The following SASH1 variants were observed in gnomAD, a reference collection of about 807,000 sequenced individuals.
SASH1 encodes the protein SAM and SH3 domain containing 1.
In SASH1, 44 loss-of-function variants were observed where a neutral mutation model predicts 125.2. The ratio of observed to expected loss-of-function variants is 0.35; its 90% CI spans 0.28 to 0.45. The LOEUF is 0.45. SASH1 is among the 20% of genes least tolerant of loss of function. The pLI is 1.00. For missense variants in SASH1, 1,426 were observed against 1,614.5 expected, an observed-to-expected ratio of 0.88 and a Z score of 2.00; for synonymous variants, 639 against 649.1, an observed-to-expected ratio of 0.98 and a Z score of 0.24.
At chr6:148,368,482 G>A (rs1299783486) in intron 1 of SASH1, among the ~76,000 whole-genome samples, 1 of 152,056 alleles carries the variant, frequency 6.6e-6, no homozygotes, top group African/African-American at 2.4e-5. Flanking sequence ...TGTTGGCCAG[G>A]CTGGTCTCAA....
At chr6:148,355,013 C>T (rs886424175) in intron 1 of SASH1, among the ~76,000 whole-genome samples, 12 of 152,182 alleles carry the variant, frequency 7.9e-5, no homozygotes, top group African/African-American at 2.9e-4. Flanking sequence ...CCCACCTCTG[C>T]CTCCCAAAGT....
At chr6:148,432,577 C>G (rs1294960618) in intron 2 of SASH1, among the ~76,000 whole-genome samples, 1 of 152,204 alleles carries the variant, frequency 6.6e-6, no homozygotes, top group Non-Finnish European at 1.5e-5. Context: ...CTTTTTCCAC[C>G]TCCTCCTTCC....
Position 148,323,257 on chromosome 6 carries a change from G to C in SASH1, n.74+50880G>C, listed in dbSNP as rs372625405. ...ACTCCTGACCTCAAGTGATCTGCCC[G>C]CCTCGGCCTCCCAAAGTGCTGAGAT... On this transcript the variant is annotated intron_variant and non_coding_transcript_variant, in intron 1 of 3. Coordinates refer to the SASH1 transcript ENST00000367469. Among the ~76,000 whole-genome samples, 595 of 152,128 alleles carry C rather than the reference G, an allele frequency of 3.9e-3. 2 individuals carry two copies. The highest frequency in any genetic ancestry group is 0.014 in the African/African-American group (564 of 41,492).
the SASH1 span, among the ~76,000 whole-genome samples, chr6:148,217,535 AGCCAG>A: frequency 6.6e-6 from 1 of 152,160 alleles, no homozygotes; most frequent in Admixed American, 6.5e-5. Flanking sequence ...CAGATCACAC[AGCCAG>A]CATGTGGTGG....
In SASH1 at chr6:148,533,541, C is replaced by T. The variant is rs1781648103; in HGVS notation, c.1735-230C>T. Among the ~76,000 whole-genome samples the T allele has an allele frequency of 6.6e-6, 1 of 152,106 alleles. No individual in the cohort carries two copies. The highest frequency in any genetic ancestry group is 1.5e-5 in the Non-Finnish European group (1 of 68,020). On this transcript the variant is annotated intron_variant, in intron 14 of 19. Transcript: ENST00000367467. This position sits in a 1 kb window ranked among gnomAD's most constrained non-coding sequence, Gnocchi z 6.2. ...TCTGCAGGGCAGGAGGGTGGAGGGG[C>T]TGTGACCGGGGGCCTGCGTGGAATT...
At chr6:148,267,538 C>G (rs972012829), upstream of SASH1, among the ~76,000 whole-genome samples, 1 of 151,992 alleles carries the variant, frequency 6.6e-6, no homozygotes, top group Non-Finnish European at 1.5e-5. Context: ...GCCACCACGC[C>G]CGGCTAATTT....
chr6:148,363,557 C>T (rs113639148), intron 1 of SASH1, among the ~76,000 whole-genome samples: 8,579 of 152,160 alleles, frequency 0.056, 299 homozygotes, highest in South Asian at 0.15. Context: ...CCCGCCACCA[C>T]ACCCGGCTAA....
In SASH1 at chr6:148,532,877, C is replaced by G. The variant is rs749384990; in HGVS notation, c.1645C>G (p.Pro549Ala). The change falls in exon 14 of 20, where the codon CCG becomes GCG. Residue 549 changes from proline to alanine, a missense_variant. Pro to Ala is a conservative substitution (Grantham distance 27, BLOSUM62 -1). Coordinates refer to ENST00000367467, the MANE Select transcript of SASH1 (RefSeq NM_015278.5). This position sits in a 1 kb window ranked among gnomAD's most constrained non-coding sequence, Gnocchi z 4.7. ...VKSEDGDDEE[P>A]PYRGPFCGRA... is the part of the protein sequence containing the mutation. The stretch of plus-strand genomic sequence containing the variant: ...GTCGGAAGATGGGGATGACGAAGAG[C>G]CGCCTTACCGAGGCCCGTTCTGCGG... 2.5e-6 allele frequency: 4 copies of G among 1,614,108 alleles called. No individual in the cohort carries two copies. In the East Asian group the frequency reaches 8.9e-5, roughly 36 times the overall value.
At chr6:148,285,571 T>A (rs1779461235) in intron 1 of SASH1, among the ~76,000 whole-genome samples, 1 of 152,218 alleles carries the variant, frequency 6.6e-6, no homozygotes, top group Non-Finnish European at 1.5e-5. Flanking sequence ...TTGGTTTTTT[T>A]TTCCTCTCTC....
intron 4 of SASH1, among the ~76,000 whole-genome samples, chr6:148,462,301 CTT>C (rs57899343): frequency 6.9e-6 from 1 of 144,742 alleles, no homozygotes. Flanking sequence ...CTTTTCTTTT[CTT>C]TTTTTTTTTT....
intron 17 of SASH1, among the ~76,000 whole-genome samples, 193 bp downstream of exon 17, chr6:148,540,749 C>A (rs1024759871): frequency 6.6e-5 from 10 of 152,170 alleles, no homozygotes; most frequent in African/African-American, 9.7e-5. Context: ...TTAATAAATT[C>A]TGTGTCAAAT....
chr6:148,387,117 CTTT>C (rs34236225), intron 1 of SASH1, among the ~76,000 whole-genome samples: 7 of 108,988 alleles, frequency 6.4e-5, no homozygotes, highest in Admixed American at 1.0e-4. Flanking sequence ...TCTTTCTTTT[CTTT>C]TTTTTTTTTT....
chr6:148,539,430 C>CTACT (rs760597117), intron 16 of SASH1, among the ~76,000 whole-genome samples: 71 of 152,226 alleles, frequency 4.7e-4, no homozygotes, highest in Non-Finnish European at 8.2e-4. Flanking sequence ...AGCTTAGCTC[C>CTACT]TACTTACAAG....
chr6:148,220,480 G>A, the SASH1 span, among the ~76,000 whole-genome samples: 2 of 152,126 alleles, frequency 1.3e-5, no homozygotes, highest in Non-Finnish European at 2.9e-5. Context: ...AAGTTGCAAC[G>A]TTAATTCTAG....
intron 1 of SASH1, among the ~76,000 whole-genome samples, chr6:148,387,633 TTTCTTTC>T (rs1783495130): frequency 3.8e-5 from 3 of 79,852 alleles, no homozygotes; most frequent in South Asian, 5.1e-4. Context: ...TCTTTCTTTC[TTTCTTTC>T]TTTCTTTCTT....
intron 1 of SASH1, among the ~76,000 whole-genome samples, chr6:148,346,892 T>C (rs1464381487): frequency 6.6e-6 from 1 of 152,202 alleles, no homozygotes; most frequent in African/African-American, 2.4e-5. Context: ...CACCACGACA[T>C]GTGGTAGGCC....
intron 11 of SASH1, among the ~76,000 whole-genome samples, chr6:148,526,046 C>CTTTTT (rs34023266): frequency 3.7e-5 from 2 of 54,158 alleles, no homozygotes; most frequent in Non-Finnish European, 6.7e-5. Context: ...GAAGGTGAGT[C>CTTTTT]TTTTTTTTTT....
At chr6:148,204,087 T>A in the SASH1 span, among the ~76,000 whole-genome samples, 1 of 152,198 alleles carries the variant, frequency 6.6e-6, no homozygotes, top group African/African-American at 2.4e-5. Context: ...ATTCATTATG[T>A]GTTTGTGGCT....
chr6:148,527,392 A>C lies in SASH1; in HGVS notation c.1285-61A>C, dbSNP rs530724653. ...GAGAGCTAGGATGTTAATGGTTTAA[A>C]TAATAAAACCTGTTCTTCATTTTCT... On this transcript the variant is annotated intron_variant, in intron 11 of 19. Coordinates refer to ENST00000367467, the MANE Select transcript of SASH1 (RefSeq NM_015278.5). 1.7e-5 allele frequency: 25 copies of C among 1,449,912 alleles called. No individual in the cohort carries two copies. In the African/African-American group the frequency reaches 3.2e-4, roughly 18 times the overall value. 89.8% of individuals were successfully genotyped at this position (1,449,912 alleles called of 1,614,324 possible). A position where few individuals can be genotyped will look rare whatever the true frequency, so the allele number is the denominator to read the frequency against.
Sources: gnomAD v4.1 joint callset for allele counts (sites outside exome capture counted in the v4.1 genomes callset) on GRCh38, gnomAD v4.1.1 for gene constraint, Gnocchi (gnomAD v3.1) non-coding constraint, MANE v1.5 for transcripts, NCBI Gene and HGNC (gene_info 2026-07-23, HGNC 2026-07-21) for gene names.